The following PRDM16 variants were observed in gnomAD, a reference collection of about 807,000 sequenced individuals.
PRDM16 encodes histone-lysine N-methyltransferase PRDM16.
A neutral mutation model predicts 110.6 loss-of-function variants in PRDM16; 23 were observed. The ratio of observed to expected loss-of-function variants is 0.21; its 90% confidence interval spans 0.15 to 0.29. The LOEUF is 0.29. Among genes scored for constraint, PRDM16 ranks in the 10% least tolerant of loss-of-function variants. The pLI is 1.00. For synonymous variants in PRDM16, 799 were observed against 781.8 expected (o/e 1.02, Z -0.37); for missense variants, 1,615 against 1,794.3 (o/e 0.90, Z 1.81).
At chr1:3,403,218 C>G (rs923436229) in intron 6 of PRDM16, among the ~76,000 whole-genome samples, 17 of 152,186 alleles carry the variant, frequency 1.1e-4, no homozygotes, top group African/African-American at 3.9e-4. Flanking sequence ...ATCCCGTGGC[C>G]AGAGCCGCAG....
At chr1:3,114,607 C>T (rs1331064820) in intron 1 of PRDM16, among the ~76,000 whole-genome samples, 1 of 151,376 alleles carries the variant, frequency 6.6e-6, no homozygotes, top group Non-Finnish European at 1.5e-5. Context: ...CACATGCACA[C>T]ACGTGCATAC....
intron 4 of PRDM16, chr1:3,394,453 C>CA: frequency 2.3e-6 from 1 of 442,512 alleles, no homozygotes; most frequent in Non-Finnish European, 4.5e-6. Context: ...CCCGAGGTCT[C>CA]ACGTCAGGAC....
chr1:3,187,261 C>CCGGCCTCA (rs1644281021), intron 2 of PRDM16, among the ~76,000 whole-genome samples: 1 of 152,218 alleles, frequency 6.6e-6, no homozygotes, highest in Non-Finnish European at 1.5e-5. Context: ...GGCCCTTCTG[C>CCGGCCTCA]CGGCCTCACG....
intron 3 of PRDM16, among the ~76,000 whole-genome samples, chr1:3,298,419 C>G (rs778204725): frequency 1.1e-4 from 17 of 152,232 alleles, no homozygotes; most frequent in Non-Finnish European, 2.4e-4. Context: ...ACGGCCGACA[C>G]CAGCCTGGGA....
chr1:3,180,981 CG>C (rs1364600191), intron 1 of PRDM16, among the ~76,000 whole-genome samples: 2 of 147,128 alleles, frequency 1.4e-5, no homozygotes, highest in Non-Finnish European at 3.1e-5. Context: ...GTCTTACACA[CG>C]CAGTCTTACA....
chr1:3,215,814 A>G (rs1361086181), intron 2 of PRDM16, among the ~76,000 whole-genome samples: 1 of 152,108 alleles, frequency 6.6e-6, no homozygotes, highest in Non-Finnish European at 1.5e-5. Context: ...TCATTAATCA[A>G]TGTCAAGGCG....
intron 1 of PRDM16, among the ~76,000 whole-genome samples, chr1:3,180,997 A>AG (rs879267208): frequency 0.047 from 5,451 of 114,772 alleles, 347 homozygotes; most frequent in Non-Finnish European, 0.071. Flanking sequence ...CTTACACACG[A>AG]TCTTACACGC....
intron 2 of PRDM16, among the ~76,000 whole-genome samples, chr1:3,233,584 G>A (rs576147911): frequency 5.9e-5 from 9 of 152,312 alleles, no homozygotes; most frequent in Non-Finnish European, 8.8e-5. Context: ...CTGTGAGTGC[G>A]GCCAGCCTGG....
chr1:3,097,165 C>T (rs1471485733), intron 1 of PRDM16, among the ~76,000 whole-genome samples: 1 of 152,190 alleles, frequency 6.6e-6, no homozygotes, highest in Admixed American at 6.5e-5. Flanking sequence ...AGGTTAAGGG[C>T]AGAGCTGAGG....
At chr1:3,104,467 G>C (rs889116340) in intron 1 of PRDM16, among the ~76,000 whole-genome samples, 3 of 150,006 alleles carry the variant, frequency 2.0e-5, no homozygotes, top group Non-Finnish European at 4.4e-5. Flanking sequence ...AGAGAGGACA[G>C]GGTGCTGAGT....
intron 3 of PRDM16, among the ~76,000 whole-genome samples, chr1:3,345,319 G>A (rs1250425398): frequency 1.3e-5 from 2 of 152,068 alleles, no homozygotes; most frequent in African/African-American, 2.4e-5. Context: ...TTATCTGCAG[G>A]AGAGTACATC....
intron 1 of PRDM16, among the ~76,000 whole-genome samples, chr1:3,116,429 C>G (rs962315393): frequency 6.6e-6 from 1 of 152,172 alleles, no homozygotes; most frequent in Admixed American, 6.5e-5. Flanking sequence ...TGCTCCCTTC[C>G]TGTGAGAATT....
chr1:3,171,979 CCCCGGTGCTGAAGGAGCAT>C (rs1432894227), intron 1 of PRDM16, among the ~76,000 whole-genome samples: 1 of 152,186 alleles, frequency 6.6e-6, no homozygotes, highest in Non-Finnish European at 1.5e-5. Flanking sequence ...AGAACGGGGT[CCCCGGTGCTGAAGGAGCAT>C]CCCTGGGCCC....
rs1638914312 is a variant in PRDM16 at position 3,436,511 on chromosome 1, C to T, written c.*2700C>T. On this transcript the variant is annotated 3_prime_UTR_variant, in exon 17 of 17. Transcript: ENST00000270722. ...CAGACCCCCAGGCCCCAGCACTTGG[C>T]GTTTTCAGGAGGCCCTGTTCTTAGA... 1.7e-5 allele frequency: 4 copies of T among 230,584 alleles called. No homozygotes were observed. The highest frequency in any genetic ancestry group is 6.1e-5 in the East Asian group (1 of 16,374). The allele number at this position is 230,584 out of a possible 1,614,324, so 14.3% of individuals were successfully genotyped here. A position where few individuals can be genotyped will look rare whatever the true frequency, so the allele number is the denominator to read the frequency against.
At chr1:3,126,181 C>T (rs1643201686) in intron 1 of PRDM16, among the ~76,000 whole-genome samples, 1 of 152,194 alleles carries the variant, frequency 6.6e-6, no homozygotes, top group Admixed American at 6.5e-5. Context: ...CCGCTGGCCG[C>T]TCTTCCCGGC....
At chr1:3,357,552 C>T (rs55805251) in intron 3 of PRDM16, among the ~76,000 whole-genome samples, 10 of 151,804 alleles carry the variant, frequency 6.6e-5, no homozygotes, top group South Asian at 2.1e-4. Context: ...ATCCAGGAAG[C>T]GCCGTTCCCC....
At chr1:3,215,610 C>T (rs764767911) in intron 2 of PRDM16, among the ~76,000 whole-genome samples, 1 of 152,224 alleles carries the variant, frequency 6.6e-6, no homozygotes, top group Non-Finnish European at 1.5e-5. Flanking sequence ...CACAGGGGCC[C>T]TGTCCTCCGG....
intron 3 of PRDM16, chr1:3,309,856 C>G (rs912965235): frequency 6.6e-6 from 1 of 152,272 alleles, no homozygotes; most frequent in Non-Finnish European, 1.5e-5. Context: ...GGAGGAGGAG[C>G]GTGGCCCCCT....
intron 1 of PRDM16, among the ~76,000 whole-genome samples, chr1:3,115,199 G>A (rs752003970): frequency 6.6e-6 from 1 of 152,196 alleles, no homozygotes; most frequent in Non-Finnish European, 1.5e-5. Context: ...CTGTGACCCC[G>A]CCTCTCCTGG....
Sources: gnomAD v4.1 joint callset for allele counts (sites outside exome capture counted in the v4.1 genomes callset) on GRCh38, gnomAD v4.1.1 for gene constraint, MANE v1.5 for transcripts, NCBI Gene and HGNC (gene_info 2026-07-23, HGNC 2026-07-21) for gene names.